The following GALNT7 variants were observed in gnomAD, a reference collection of about 807,000 sequenced individuals.
The protein encoded by GALNT7 is polypeptide N-acetylgalactosaminyltransferase 7, also known as N-acetylgalactosaminyltransferase 7.
Under a neutral mutation model 82.1 loss-of-function variants are expected in GALNT7, and 60 were observed. The ratio of observed to expected loss-of-function variants is 0.73; its 90% CI spans 0.59 to 0.91. GALNT7 has a LOEUF of 0.91. GALNT7 is among the 40% of genes least tolerant of loss of function. GALNT7 has a pLI of 0.00. For synonymous variants in GALNT7, 243 were observed against 275.1 expected (o/e 0.88, Z 1.15); for missense variants, 660 against 804.2 (o/e 0.82, Z 2.17).
intron 1 of GALNT7, among the ~76,000 whole-genome samples, chr4:173,212,911 C>T: frequency 6.6e-6 from 1 of 151,870 alleles, no homozygotes. Context: ...TTTAAAAATA[C>T]CTTTTGTGGA....
chr4:173,261,147 T>G (rs1027513553), intron 2 of GALNT7, among the ~76,000 whole-genome samples: 1 of 152,216 alleles, frequency 6.6e-6, no homozygotes, highest in Admixed American at 6.5e-5. Context: ...CATTCCAGTT[T>G]AGGGTGGTGT....
chr4:173,319,693 C>A (rs1227870100), intron 11 of GALNT7, among the ~76,000 whole-genome samples: 4 of 152,094 alleles, frequency 2.6e-5, no homozygotes, highest in Non-Finnish European at 5.9e-5. Context: ...ACTGAATATA[C>A]ATTTGTGTGT....
intron 1 of GALNT7, among the ~76,000 whole-genome samples, chr4:173,227,053 A>G (rs1733855260): frequency 6.6e-6 from 1 of 152,200 alleles, no homozygotes; most frequent in African/African-American, 2.4e-5. Context: ...ATGCTTTAAT[A>G]TGTGGTTAAA....
At chr4:173,261,304 C>T (rs185960552) in intron 2 of GALNT7, among the ~76,000 whole-genome samples, 1 of 152,032 alleles carries the variant, frequency 6.6e-6, no homozygotes, top group Non-Finnish European at 1.5e-5. Flanking sequence ...ATGGGCACAG[C>T]TTGGGGATGT....
chr4:173,241,810 G>A (rs1367524356), intron 1 of GALNT7, among the ~76,000 whole-genome samples: 2 of 152,086 alleles, frequency 1.3e-5, no homozygotes, highest in African/African-American at 4.8e-5. Context: ...TGGTTAAAGG[G>A]GGGTGGCATT....
At chr4:173,298,329 T>C in intron 6 of GALNT7, 32 bp downstream of exon 6, 5 of 1,445,290 alleles carry the variant, frequency 3.5e-6, no homozygotes, top group Non-Finnish European at 4.7e-6. Context: ...TATTTTTCTT[T>C]TCTCCAGTTG....
chr4:173,253,258 A>G (rs1004484732), intron 2 of GALNT7, among the ~76,000 whole-genome samples: 2 of 152,156 alleles, frequency 1.3e-5, no homozygotes, highest in Non-Finnish European at 2.9e-5. Flanking sequence ...AAGACCCTGA[A>G]GGATGAGTAG....
chr4:173,205,119 C>G lies in GALNT7; in HGVS notation c.126+36158C>G, dbSNP rs540711052. ...GGTCTCTGGGTCTGTCGGGTTGGAC[C>G]TGGAGCCTTGGATCCCCTGTTCATT... On this transcript the variant is annotated intron_variant, in intron 1 of 11. Transcript: ENST00000265000. Among the ~76,000 whole-genome samples the G allele has an allele frequency of 2.6e-5, 4 of 151,818 alleles. No individual in the cohort carries two copies. The East Asian group carries it at 7.8e-4, about 30-fold the overall frequency.
chr4:173,246,667 T>A (rs149296803), intron 1 of GALNT7, among the ~76,000 whole-genome samples: 1 of 152,364 alleles, frequency 6.6e-6, no homozygotes, highest in African/African-American at 2.4e-5. Flanking sequence ...TGACTTTCTA[T>A]AAAGGTTTTT....
chr4:173,267,576 C>A (rs1735550055), intron 2 of GALNT7, among the ~76,000 whole-genome samples: 1 of 152,104 alleles, frequency 6.6e-6, no homozygotes, highest in Non-Finnish European at 1.5e-5. Flanking sequence ...GGACCAGGGG[C>A]CCCTTTGCAG....
chr4:173,200,785 C>T (rs1409235059), intron 1 of GALNT7, among the ~76,000 whole-genome samples: 3 of 152,182 alleles, frequency 2.0e-5, no homozygotes, highest in African/African-American at 7.2e-5. Flanking sequence ...TGAAATCTTA[C>T]ATTGTAGATT....
chr4:173,256,305 T>G (rs1735035125), intron 2 of GALNT7, among the ~76,000 whole-genome samples: 1 of 152,144 alleles, frequency 6.6e-6, no homozygotes, highest in Non-Finnish European at 1.5e-5. Flanking sequence ...TTAATTTTGG[T>G]GAAATTGCTC....
At chr4:173,291,628 C>T (rs1358064553) in intron 2 of GALNT7, among the ~76,000 whole-genome samples, 1 of 152,042 alleles carries the variant, frequency 6.6e-6, no homozygotes, top group Admixed American at 6.5e-5. Context: ...TGCTATATGC[C>T]TCAGGTCAAC....
intron 2 of GALNT7, among the ~76,000 whole-genome samples, chr4:173,266,868 GGTGTGTGTGTGTGTGTGTGTGTGTGTGT>G (rs71596614): frequency 1.5e-4 from 14 of 95,078 alleles, no homozygotes; most frequent in South Asian, 4.5e-4. Context: ...GGCTGGGAAG[GGTGTGTGTGTGTGTGTGTGTGTGTGTGT>G]GTGTGTGTGT....
intron 5 of GALNT7, among the ~76,000 whole-genome samples, chr4:173,297,583 G>A (rs1326603484): frequency 6.6e-6 from 1 of 151,790 alleles, no homozygotes; most frequent in African/African-American, 2.4e-5. Context: ...CCTGACATTT[G>A]TCTGTAAGCC....
intron 1 of GALNT7, among the ~76,000 whole-genome samples, chr4:173,227,813 T>TA (rs1003338519): frequency 3.3e-5 from 5 of 152,062 alleles, no homozygotes; most frequent in South Asian, 2.1e-4. Flanking sequence ...TTGCACCTTT[T>TA]AAAAAAAATC....
intron 1 of GALNT7, among the ~76,000 whole-genome samples, chr4:173,236,052 T>C (rs533169741): frequency 2.0e-5 from 3 of 152,152 alleles, no homozygotes; most frequent in Non-Finnish European, 1.5e-5. Context: ...TGTTAAACCA[T>C]CAGTTAGGCA....
intron 1 of GALNT7, among the ~76,000 whole-genome samples, chr4:173,191,392 C>T (rs9997477): frequency 0.7 from 106,946 of 152,038 alleles, 37,883 homozygotes; most frequent in East Asian, 0.76. Flanking sequence ...TCCGCCAGCC[C>T]TTCTGCTTCT....
chr4:173,177,840 TAAAG>T (rs1198376745), intron 1 of GALNT7, among the ~76,000 whole-genome samples: 1 of 152,054 alleles, frequency 6.6e-6, no homozygotes, highest in Non-Finnish European at 1.5e-5. Context: ...GTTCAGATGA[TAAAG>T]AAGTTCAGGT....
Sources: gnomAD v4.1 joint callset for allele counts (sites outside exome capture counted in the v4.1 genomes callset) on GRCh38, gnomAD v4.1.1 for gene constraint, MANE v1.5 for transcripts, NCBI Gene and HGNC (gene_info 2026-07-23, HGNC 2026-07-21) for gene names.